EBF2: variants seen among roughly 807,000 people sequenced by gnomAD.
EBF2 encodes transcription factor COE2.
EBF2 carries 21 observed loss-of-function variants against 72.8 expected under a neutral mutation model. The ratio of observed to expected loss-of-function variants is 0.29; its 90% CI spans 0.20 to 0.42. The LOEUF (loss-of-function observed/expected upper bound fraction) is 0.42, where lower values mean the gene tolerates loss of function less well. EBF2 is among the 10% of genes least tolerant of loss of function. EBF2 has a pLI of 1.00. For synonymous variants in EBF2, 299 were observed against 274.2 expected, an observed-to-expected ratio of 1.09 and a Z score of -0.89; for missense variants, 637 against 731.2, an observed-to-expected ratio of 0.87 and a Z score of 1.49.
intron 6 of EBF2, among the ~76,000 whole-genome samples, chr8:25,962,971 C>T (rs962692818): frequency 2.6e-5 from 4 of 152,238 alleles, no homozygotes; most frequent in African/African-American, 9.6e-5. Context: ...CAACCACTAA[C>T]TCCCTCATGT....
intron 6 of EBF2, chr8:26,032,825 C>T (rs1159395863): frequency 1.7e-5 from 8 of 480,018 alleles, no homozygotes; most frequent in Admixed American, 3.3e-5. Flanking sequence ...TTATATCCTG[C>T]ACCACACATA....
chr8:26,025,044 T>C (rs1379373431), intron 6 of EBF2, among the ~76,000 whole-genome samples: 1 of 152,186 alleles, frequency 6.6e-6, no homozygotes, highest in Non-Finnish European at 1.5e-5. Context: ...CTACAAGAAC[T>C]AATATCTTTG....
chr8:25,861,101 A>G lies in EBF2; in HGVS notation c.1290T>C (p.Tyr430=), dbSNP rs775407832. Residue 430 remains tyrosine, a synonymous_variant, in exon 13 of 16, where the codon TAT becomes TAC. Coordinates refer to ENST00000520164, the MANE Select transcript of EBF2 (RefSeq NM_022659.4). ...AHSGMMGINS[Y]GSQLGVSISE... Reference sequence around the variant, plus strand: ...AGATGCTGACCCCAAGCTGGCTGCCATAGGAGTTGATTCCCATCATGCCAC... The same window carrying G: ...AGATGCTGACCCCAAGCTGGCTGCCGTAGGAGTTGATTCCCATCATGCCAC... 2.6e-5 allele frequency: 42 copies of G among 1,614,164 alleles called. No individual in the cohort carries two copies. In the Middle Eastern group the frequency reaches 9.9e-4, roughly 38 times the overall value.
chr8:26,017,005 G>A (rs935920987), intron 6 of EBF2, among the ~76,000 whole-genome samples: 4 of 152,086 alleles, frequency 2.6e-5, no homozygotes, highest in African/African-American at 9.7e-5. Context: ...ATGTCTAGAA[G>A]GAATGCTGGG....
intron 6 of EBF2, among the ~76,000 whole-genome samples, chr8:25,910,339 G>A (rs1337845453): frequency 4.6e-5 from 7 of 152,118 alleles, no homozygotes; most frequent in Non-Finnish European, 8.8e-5. Context: ...AGCCCCCGCT[G>A]CACCCCACAC....
At chr8:26,014,912 G>A (rs1393175884) in intron 6 of EBF2, among the ~76,000 whole-genome samples, 1 of 152,188 alleles carries the variant, frequency 6.6e-6, no homozygotes, top group Non-Finnish European at 1.5e-5. Context: ...TAAAGGCTTG[G>A]GAATAACCAT....
At chr8:26,013,635 A>G (rs1421857589) in intron 6 of EBF2, among the ~76,000 whole-genome samples, 1 of 152,078 alleles carries the variant, frequency 6.6e-6, no homozygotes, top group East Asian at 1.9e-4. Flanking sequence ...AGTTATAACA[A>G]TGTGGATTTC....
intron 6 of EBF2, among the ~76,000 whole-genome samples, chr8:25,911,010 T>C (rs1803119319): frequency 6.6e-6 from 1 of 152,078 alleles, no homozygotes; most frequent in African/African-American, 2.4e-5. Flanking sequence ...TTTTTTTTCC[T>C]CTTACTTTAA....
chr8:26,016,978 GA>G (rs1050222460), intron 6 of EBF2, among the ~76,000 whole-genome samples: 1 of 152,102 alleles, frequency 6.6e-6, no homozygotes, highest in Non-Finnish European at 1.5e-5. Flanking sequence ...AAGTCAGAGA[GA>G]AAATGAGAGA....
chr8:26,035,562 G>T (rs1031159255), intron 5 of EBF2, among the ~76,000 whole-genome samples: 1 of 152,162 alleles, frequency 6.6e-6, no homozygotes, highest in Non-Finnish European at 1.5e-5. Context: ...TCTTTCATGG[G>T]TGTGTGGATT....
At chr8:25,958,534 T>C (rs1041636121) in intron 6 of EBF2, among the ~76,000 whole-genome samples, 2 of 152,184 alleles carry the variant, frequency 1.3e-5, no homozygotes, top group Non-Finnish European at 2.9e-5. Flanking sequence ...AGTTTCAAAT[T>C]CCAGCTTTGT....
intron 6 of EBF2, among the ~76,000 whole-genome samples, chr8:25,993,135 T>C (rs1052198407): frequency 2.6e-5 from 4 of 151,944 alleles, no homozygotes; most frequent in Non-Finnish European, 4.4e-5. Context: ...GAAGATGAGG[T>C]CATTATTCTT....
chr8:25,945,992 C>A (rs1439519239), intron 6 of EBF2, among the ~76,000 whole-genome samples: 3 of 152,154 alleles, frequency 2.0e-5, no homozygotes, highest in Non-Finnish European at 4.4e-5. Flanking sequence ...ACAGCTACCA[C>A]CTAGGCAGTC....
chr8:26,017,965 G>A (rs1454929183), intron 6 of EBF2, among the ~76,000 whole-genome samples: 1 of 152,106 alleles, frequency 6.6e-6, no homozygotes, highest in African/African-American at 2.4e-5. Flanking sequence ...CCAAGGCTCT[G>A]GGGTATGGGG....
At chr8:25,937,089 C>T (rs556097728) in intron 6 of EBF2, among the ~76,000 whole-genome samples, 2 of 152,290 alleles carry the variant, frequency 1.3e-5, no homozygotes, top group Non-Finnish European at 2.9e-5. Context: ...TAAGAGAACA[C>T]ATTCTGATCG....
chr8:25,865,769 T>A (rs1802300805), intron 10 of EBF2, among the ~76,000 whole-genome samples: 1 of 150,344 alleles, frequency 6.7e-6, no homozygotes, highest in Non-Finnish European at 1.5e-5. Context: ...CTCATGCCTG[T>A]AATCCCAGCA....
rs7822143 is a variant in EBF2, at chr8:25,858,213, C to T, written c.1528+106G>A. ...TTAATCAGGAAACTAGGCTGCTCCC[C>T]GACAACTTAGGAAGATTTACAAATG... is the stretch of plus-strand genomic sequence containing the variant. On this transcript the variant is annotated intron_variant, in intron 14 of 15. Coordinates refer to ENST00000520164, the MANE Select transcript of EBF2 (RefSeq NM_022659.4). 8,522 of 1,394,772 alleles carry T rather than the reference C, an allele frequency of 6.1e-3. 398 individuals are homozygous for T. In the African/African-American group the frequency reaches 0.099, roughly 16 times the overall value. 86.4% of individuals were successfully genotyped at this position (1,394,772 alleles called of 1,614,324 possible). A position where few individuals can be genotyped will look rare whatever the true frequency, so the allele number is the denominator to read the frequency against.
At chr8:25,900,088 A>C (rs1302813872) in intron 7 of EBF2, among the ~76,000 whole-genome samples, 1 of 152,186 alleles carries the variant, frequency 6.6e-6, no homozygotes, top group Non-Finnish European at 1.5e-5. Flanking sequence ...CTGGGCTTGC[A>C]TGCAACCTGG....
rs569195530 is a variant in EBF2 at position 25,920,108 on chromosome 8, T to C, written c.552-11553A>G. Among the ~76,000 whole-genome samples the C allele has an allele frequency of 9.9e-5, 15 of 152,276 alleles. No homozygotes were observed. The South Asian group carries it at 2.3e-3, about 23-fold the overall frequency. On this transcript the variant is annotated intron_variant, in intron 6 of 15. Coordinates refer to ENST00000520164, the MANE Select transcript of EBF2 (RefSeq NM_022659.4). ...AGGAACATGACAGCAGCTGGAATAATAAGACTAATAAGAGGCCAAAATTAT... is the reference window on the plus strand; with the variant it reads ...AGGAACATGACAGCAGCTGGAATAACAAGACTAATAAGAGGCCAAAATTAT...
Sources: allele counts gnomAD v4.1 joint callset (sites outside exome capture counted in the v4.1 genomes callset), GRCh38; gene constraint gnomAD v4.1.1; transcripts MANE v1.5; gene names NCBI Gene and HGNC (gene_info 2026-07-23, HGNC 2026-07-21).